ST8SIA2: variants seen among roughly 807,000 people sequenced by gnomAD.
ST8SIA2 encodes alpha-2,8-sialyltransferase 8B.
Under a neutral mutation model 37.6 loss-of-function variants are expected in ST8SIA2, and 22 were observed. The observed-to-expected ratio is 0.58, with a 90% CI of 0.42 to 0.83. The LOEUF (loss-of-function observed/expected upper bound fraction) is 0.83, where lower values mean the gene tolerates loss of function less well. Among genes scored for constraint, ST8SIA2 ranks in the 40% least tolerant of loss-of-function variants. The pLI is 0.00. For missense variants in ST8SIA2, 382 were observed against 484.7 expected (o/e 0.79, Z 1.99); for synonymous variants, 205 against 201.2 (o/e 1.02, Z -0.16).
At chr15:92,437,025 A>G (rs772121969) in intron 3 of ST8SIA2, among the ~76,000 whole-genome samples, 1 of 152,194 alleles carries the variant, frequency 6.6e-6, no homozygotes, top group Admixed American at 6.5e-5. Context: ...ACTGGAACGT[A>G]CCATAGGTTG....
intron 1 of ST8SIA2, 29 bp downstream of exon 1, chr15:92,394,191 C>T (rs754504137): frequency 1.3e-6 from 2 of 1,532,268 alleles, no homozygotes; most frequent in Non-Finnish European, 1.8e-6. Flanking sequence ...GCCCGTGCCA[C>T]GAGCCCTGGC....
chr15:92,422,988 G>A (rs778079403), intron 1 of ST8SIA2, among the ~76,000 whole-genome samples: 4 of 152,194 alleles, frequency 2.6e-5, no homozygotes, highest in South Asian at 2.1e-4. Flanking sequence ...CTTCTGATAC[G>A]TGCTGTGTGT....
At chr15:92,437,787 G>C (rs2049769606) in intron 3 of ST8SIA2, among the ~76,000 whole-genome samples, 1 of 152,204 alleles carries the variant, frequency 6.6e-6, no homozygotes, top group Non-Finnish European at 1.5e-5. Flanking sequence ...CTGGCTTTCT[G>C]CTCCTAGACA....
At chr15:92,454,895 C>T (rs768690306) in intron 5 of ST8SIA2, among the ~76,000 whole-genome samples, 10 of 152,016 alleles carry the variant, frequency 6.6e-5, no homozygotes, top group Non-Finnish European at 1.5e-4. Context: ...AAGGAGGCTG[C>T]GACCCACAGA....
intron 5 of ST8SIA2, among the ~76,000 whole-genome samples, chr15:92,460,526 T>C (rs761999220): frequency 6.6e-6 from 1 of 152,228 alleles, no homozygotes; most frequent in Non-Finnish European, 1.5e-5. Context: ...TTCTCCTCTT[T>C]ACAGTCCTCC....
intron 5 of ST8SIA2, among the ~76,000 whole-genome samples, chr15:92,454,650 C>T (rs921656060): frequency 5.3e-5 from 8 of 152,026 alleles, no homozygotes; most frequent in Admixed American, 2.0e-4. Flanking sequence ...CCTGCCCTTC[C>T]GCTCTCACCA....
chr15:92,457,544 G>A (rs561371578), intron 5 of ST8SIA2, among the ~76,000 whole-genome samples: 7 of 152,246 alleles, frequency 4.6e-5, no homozygotes, highest in South Asian at 2.1e-4. Flanking sequence ...ACAACGTCCC[G>A]GATGCACCCA....
At chr15:92,462,164 A>G (rs2049962074) in intron 5 of ST8SIA2, among the ~76,000 whole-genome samples, 1 of 152,198 alleles carries the variant, frequency 6.6e-6, no homozygotes, top group Non-Finnish European at 1.5e-5. Context: ...CTGGCCACCT[A>G]GGACCACAGC....
intron 5 of ST8SIA2, among the ~76,000 whole-genome samples, chr15:92,452,851 A>G (rs1372774936): frequency 2.0e-5 from 3 of 152,186 alleles, no homozygotes; most frequent in Non-Finnish European, 4.4e-5. Context: ...TAAGGCTCAG[A>G]AATGCAAAGT....
chr15:92,403,673 G>T (rs895706074), intron 1 of ST8SIA2, among the ~76,000 whole-genome samples: 1 of 152,166 alleles, frequency 6.6e-6, no homozygotes, highest in Non-Finnish European at 1.5e-5. Flanking sequence ...AAGGCGGGAG[G>T]CATAAGATGT....
chr15:92,412,540 A>G (rs150690686), intron 1 of ST8SIA2, among the ~76,000 whole-genome samples: 1 of 152,120 alleles, frequency 6.6e-6, no homozygotes, highest in Non-Finnish European at 1.5e-5. Context: ...CTGGTTCCCC[A>G]TCTTCCTTCA....
chr15:92,408,186 A>T (rs2049521979), intron 1 of ST8SIA2, among the ~76,000 whole-genome samples: 1 of 152,150 alleles, frequency 6.6e-6, no homozygotes, highest in African/African-American at 2.4e-5. Flanking sequence ...TGATTCAAAC[A>T]GTGTCCAACA....
intron 5 of ST8SIA2, among the ~76,000 whole-genome samples, chr15:92,463,035 T>A (rs1341350909): frequency 6.6e-6 from 1 of 152,242 alleles, no homozygotes; most frequent in Non-Finnish European, 1.5e-5. Flanking sequence ...CATCATTGCA[T>A]AAATGTGAAA....
chr15:92,444,049 G>A (rs934739878), intron 4 of ST8SIA2, among the ~76,000 whole-genome samples: 4 of 152,146 alleles, frequency 2.6e-5, no homozygotes, highest in Non-Finnish European at 5.9e-5. Flanking sequence ...CCATAAGAGC[G>A]ATGACAACAG....
At position 92,394,083 on chromosome 15, in the gene ST8SIA2, A is replaced by G; in HGVS notation, c.19A>G (p.Ser7Gly). Residue 7 changes from serine (S) to glycine (G), a missense_variant, in exon 1 of 6, where the codon AGC becomes GGC. Transcript: ENST00000268164. ...ACCCACCATGCAGCTGCAGTTCCGGAGCTGGATGCTGGCCGCGCTCACGCT... is the reference window on the plus strand; with the variant it reads ...ACCCACCATGCAGCTGCAGTTCCGGGGCTGGATGCTGGCCGCGCTCACGCT... MQLQFR[S>G]WMLAALTLLV... 6.4e-7 allele frequency: 1 copy of G among 1,554,278 alleles called. No individual in the cohort carries two copies.
At chr15:92,445,586 T>A (rs927868137) in intron 5 of ST8SIA2, among the ~76,000 whole-genome samples, 1 of 152,210 alleles carries the variant, frequency 6.6e-6, no homozygotes, top group African/African-American at 2.4e-5. Context: ...CCACAAGGTC[T>A]TCTCTCTAAG....
chr15:92,428,178 A>G (rs2049690554), intron 1 of ST8SIA2, among the ~76,000 whole-genome samples: 1 of 152,198 alleles, frequency 6.6e-6, no homozygotes, highest in African/African-American at 2.4e-5. Flanking sequence ...ACCTGATTTC[A>G]CAGAGGATAT....
At chr15:92,403,970 G>T (rs757824632) in intron 1 of ST8SIA2, among the ~76,000 whole-genome samples, 2 of 152,174 alleles carry the variant, frequency 1.3e-5, no homozygotes, top group Non-Finnish European at 2.9e-5. Flanking sequence ...GCTGACAGAC[G>T]GCATCCCAAA....
intron 2 of ST8SIA2, among the ~76,000 whole-genome samples, chr15:92,432,780 A>C (rs560885337): frequency 6.6e-6 from 1 of 152,308 alleles, no homozygotes; most frequent in South Asian, 2.1e-4. Flanking sequence ...AGGTGGGTGC[A>C]TGAAGGGAAT....
Sources: allele counts gnomAD v4.1 joint callset (sites outside exome capture counted in the v4.1 genomes callset), GRCh38; gene constraint gnomAD v4.1.1; transcripts MANE v1.5; gene names NCBI Gene and HGNC (gene_info 2026-07-23, HGNC 2026-07-21).